The following FRMPD3 variants were observed in gnomAD, a reference collection of about 807,000 sequenced individuals.
FRMPD3 encodes FERM and PDZ domain-containing protein 3.
A neutral mutation model predicts 97.9 loss-of-function variants in FRMPD3; 42 were observed. The ratio of observed to expected loss-of-function variants is 0.43; its 90% CI spans 0.34 to 0.55. The LOEUF is 0.55. Ranked by LOEUF, FRMPD3 falls within the 20% of genes least tolerant of loss-of-function variation. The pLI is 0.03. For missense variants in FRMPD3, 1,303 were observed against 1,457.7 expected, an observed-to-expected ratio of 0.89 and a Z score of 1.73; for synonymous variants, 577 against 581.1, an observed-to-expected ratio of 0.99 and a Z score of 0.10.
At chrX:107,483,025 A>G (rs1307650829) in intron 1 of FRMPD3, among the ~76,000 whole-genome samples, 16 of 112,107 alleles carry the variant, frequency 1.4e-4, no homozygotes, top group Middle Eastern at 9.3e-3. Context: ...AGCTGTTTCC[A>G]TGCTTTGGAA....
At chrX:107,490,499 C>G (rs1921631587) in intron 1 of FRMPD3, among the ~76,000 whole-genome samples, 1 of 111,424 alleles carries the variant, frequency 9.0e-6, no homozygotes, top group African/African-American at 3.3e-5. Context: ...TGTTTGTATC[C>G]TCTTTTATTT....
intron 13 of FRMPD3, among the ~76,000 whole-genome samples, chrX:107,591,222 A>G (rs749637510): frequency 1.5e-4 from 16 of 107,503 alleles, no homozygotes; most frequent in Non-Finnish European, 2.9e-4. Flanking sequence ...CAATGGTGCA[A>G]TCTTGGCTCA....
chrX:107,479,349 A>G (rs1235851629), intron 1 of FRMPD3, among the ~76,000 whole-genome samples: 1 of 111,882 alleles, frequency 8.9e-6, no homozygotes, highest in Non-Finnish European at 1.9e-5. Context: ...TTGAATTTTG[A>G]GCTGAAAAAA....
rs185438129 is a variant in FRMPD3 at position 107,602,985 on chromosome X, A to G, written c.4946A>G (p.Asp1649Gly). ...TCCTGCCGCCGTGTGGCCAATGTGG[A>G]CAAGAGCCCAACTCACATGCTGGCA... is the stretch of plus-strand genomic sequence containing the variant. ...RASCRRVANV[D>G]KSPTHMLAAI... Residue 1649 changes from aspartate to glycine, a missense_variant, in exon 15 of 15, where the codon GAC becomes GGC. Coordinates refer to ENST00000683843, the MANE Select transcript of FRMPD3 (RefSeq NM_001388459.1). 14 of 1,209,997 alleles carry G rather than the reference A, an allele frequency of 1.2e-5. No homozygotes were observed. Among genetic ancestry groups the G allele is most frequent in the Admixed American group, 4.4e-5 (2 of 45,952 alleles).
intron 1 of FRMPD3, among the ~76,000 whole-genome samples, chrX:107,460,036 G>A: frequency 8.9e-6 from 1 of 111,918 alleles, no homozygotes; most frequent in Middle Eastern, 4.6e-3. Context: ...CAGGGGTGGT[G>A]GTTGGTGGCT....
chrX:107,461,980 C>G (rs1375879482), intron 1 of FRMPD3, among the ~76,000 whole-genome samples: 1 of 108,772 alleles, frequency 9.2e-6, no homozygotes, highest in Non-Finnish European at 1.9e-5. Context: ...TGCAGTGGCC[C>G]CCTTTGCTCC....
intron 1 of FRMPD3, among the ~76,000 whole-genome samples, chrX:107,516,980 G>A (rs1410384558): frequency 9.0e-6 from 1 of 111,574 alleles, no homozygotes; most frequent in Admixed American, 9.5e-5. Flanking sequence ...GTATTGCCTA[G>A]GTTTTCTTCT....
intron 5 of FRMPD3, among the ~76,000 whole-genome samples, chrX:107,546,141 T>C (rs1806774656): frequency 8.9e-6 from 1 of 111,877 alleles, no homozygotes; most frequent in South Asian, 3.8e-4. Context: ...TAAACATCTT[T>C]TGCTACTTGA....
At chrX:107,480,402 G>A (rs1271511655) in intron 1 of FRMPD3, among the ~76,000 whole-genome samples, 1 of 111,869 alleles carries the variant, frequency 8.9e-6, no homozygotes, top group Non-Finnish European at 1.9e-5. Flanking sequence ...TTAGGTCACA[G>A]CATAACATAG....
chrX:107,466,130 C>A (rs1931558920), intron 1 of FRMPD3, among the ~76,000 whole-genome samples: 1 of 112,622 alleles, frequency 8.9e-6, no homozygotes, highest in African/African-American at 3.2e-5. Flanking sequence ...AGCTTTCAGC[C>A]ATGACCACCA....
chrX:107,510,686 C>T (rs1922143169), intron 1 of FRMPD3, among the ~76,000 whole-genome samples: 1 of 112,193 alleles, frequency 8.9e-6, no homozygotes, highest in Non-Finnish European at 1.9e-5. Flanking sequence ...ATTCTTCCCT[C>T]CCTCTCAGCA....
Position 107,552,654 on chromosome X carries a change from A to G in FRMPD3, c.511-141A>G. 1.3e-5 allele frequency: 8 copies of G among 617,602 alleles called. No individual in the cohort carries two copies. In the South Asian group the frequency reaches 2.7e-4, roughly 21 times the overall value. 50.9% of individuals were successfully genotyped at this position (617,602 alleles called of 1,213,427 possible). A position where few individuals can be genotyped will look rare whatever the true frequency, so the allele number is the denominator to read the frequency against. On this transcript the variant is annotated intron_variant, in intron 6 of 14. Coordinates refer to ENST00000683843, the MANE Select transcript of FRMPD3 (RefSeq NM_001388459.1). ...CATTGTGGATCACAGAGCCTGGGCTACTATAAAGGCCAGTGTTGCAGCCTT... is the reference window on the plus strand; with the variant it reads ...CATTGTGGATCACAGAGCCTGGGCTGCTATAAAGGCCAGTGTTGCAGCCTT...
At chrX:107,579,282 G>A (rs1046840468) in intron 13 of FRMPD3, among the ~76,000 whole-genome samples, 1 of 112,059 alleles carries the variant, frequency 8.9e-6, no homozygotes, top group African/African-American at 3.2e-5. Flanking sequence ...GGGCCTAAAG[G>A]ATGAAGTTAA....
chrX:107,523,415 A>G (rs1922576005), intron 1 of FRMPD3, among the ~76,000 whole-genome samples: 1 of 111,679 alleles, frequency 9.0e-6, no homozygotes, highest in South Asian at 3.8e-4. Flanking sequence ...CACCTGCAGG[A>G]AGATGGAATG....
At chrX:107,551,919 G>A (rs1420830836) in intron 6 of FRMPD3, among the ~76,000 whole-genome samples, 1 of 112,413 alleles carries the variant, frequency 8.9e-6, no homozygotes, top group Non-Finnish European at 1.9e-5. Context: ...TGTTCATTGA[G>A]GGGCTTGTTT....
intron 12 of FRMPD3, among the ~76,000 whole-genome samples, chrX:107,569,021 A>C (rs776709152): frequency 3.6e-5 from 4 of 110,525 alleles, no homozygotes; most frequent in Non-Finnish European, 7.6e-5. Flanking sequence ...ACAGCCCTGC[A>C]CGGTGGCTAA....
At chrX:107,523,598 T>G (rs1225814731) in intron 1 of FRMPD3, among the ~76,000 whole-genome samples, 1 of 110,718 alleles carries the variant, frequency 9.0e-6, no homozygotes, top group Non-Finnish European at 1.9e-5. Flanking sequence ...CAGTTAGCAC[T>G]GTAATTGTCT....
At chrX:107,528,142 G>T (rs752496745) in intron 2 of FRMPD3, among the ~76,000 whole-genome samples, 2 of 111,615 alleles carry the variant, frequency 1.8e-5, no homozygotes, top group East Asian at 2.8e-4. Context: ...ACCACAAAAA[G>T]CCATGGGGCT....
chrX:107,592,396 A>G (rs1046541937), intron 13 of FRMPD3, among the ~76,000 whole-genome samples: 5 of 111,535 alleles, frequency 4.5e-5, no homozygotes, highest in African/African-American at 1.6e-4. Context: ...TCATTTATTA[A>G]TGTTTTTAGA....
Sources: allele counts gnomAD v4.1 joint callset (sites outside exome capture counted in the v4.1 genomes callset), GRCh38; gene constraint gnomAD v4.1.1; transcripts MANE v1.5; gene names NCBI Gene and HGNC (gene_info 2026-07-23, HGNC 2026-07-21).